The following ZHX2 variants were observed in gnomAD, a reference collection of about 807,000 sequenced individuals.
ZHX2 encodes the protein zinc fingers and homeoboxes 2.
ZHX2 carries 6 observed loss-of-function variants against 21.9 expected under a neutral mutation model. That is an observed-to-expected ratio of 0.27 (90% confidence interval 0.15 to 0.54). The LOEUF is 0.54. ZHX2 is among the 20% of genes least tolerant of loss of function. ZHX2 has a pLI of 0.95. For missense variants in ZHX2, 908 were observed against 1,090.7 expected (o/e 0.83, Z 2.36); for synonymous variants, 434 against 437.1 (o/e 0.99, Z 0.09).
At chr8:122,842,050 G>GAGCAC (rs1382116852) in intron 1 of ZHX2, among the ~76,000 whole-genome samples, 4 of 152,312 alleles carry the variant, frequency 2.6e-5, no homozygotes, top group African/African-American at 9.6e-5. Flanking sequence ...ACAAACAAAT[G>GAGCAC]AGCACGAGCT....
At position 122,828,882 on chromosome 8, in the gene ZHX2, G is replaced by C. The variant is rs1171007427; in HGVS notation, c.-282-34595G>C. Among the ~76,000 whole-genome samples the C allele has an allele frequency of 6.6e-6, 1 of 152,058 alleles. No homozygotes were observed. The highest frequency in any genetic ancestry group is 1.5e-5 in the Non-Finnish European group (1 of 68,038). On this transcript the variant is annotated intron_variant, in intron 1 of 3. Transcript: ENST00000314393. This position sits in a 1 kb window ranked among gnomAD's most constrained non-coding sequence, Gnocchi z 5.2. The stretch of plus-strand genomic sequence containing the variant: ...TATTTTATTTTACACAGAGTACCCA[G>C]GAGATGGCAGATAATAATTCATTTA...
chr8:122,883,100 C>A (rs191491809), intron 2 of ZHX2, among the ~76,000 whole-genome samples: 1 of 152,320 alleles, frequency 6.6e-6, no homozygotes, highest in Non-Finnish European at 1.5e-5. Context: ...CCAAACCCCC[C>A]AAGATCTCGC....
intron 1 of ZHX2, among the ~76,000 whole-genome samples, chr8:122,804,896 A>G (rs531451772): frequency 2.5e-4 from 38 of 152,272 alleles, no homozygotes; most frequent in African/African-American, 7.9e-4. Flanking sequence ...ACACAGGGCC[A>G]TGGATTCCCT....
At chr8:122,890,717 T>C (rs1471529767) in intron 2 of ZHX2, among the ~76,000 whole-genome samples, 1 of 152,194 alleles carries the variant, frequency 6.6e-6, no homozygotes, top group Non-Finnish European at 1.5e-5. Context: ...TTCTTGTAGC[T>C]ATTGTAAATG....
At chr8:122,923,073 G>A (rs959126849) in intron 2 of ZHX2, among the ~76,000 whole-genome samples, 1 of 152,236 alleles carries the variant, frequency 6.6e-6, no homozygotes, top group African/African-American at 2.4e-5. Context: ...ACTTGTCAGT[G>A]TCAAAGTCTA....
At chr8:122,837,244 C>G (rs1349782183) in intron 1 of ZHX2, among the ~76,000 whole-genome samples, 7 of 152,178 alleles carry the variant, frequency 4.6e-5, no homozygotes, top group African/African-American at 1.7e-4. Flanking sequence ...CTTGCTTTCA[C>G]TTTATGGACT....
chr8:122,896,795 G>A (rs1820110617), intron 2 of ZHX2, among the ~76,000 whole-genome samples: 1 of 152,198 alleles, frequency 6.6e-6, no homozygotes, highest in South Asian at 2.1e-4. Context: ...AGGGAGCTTT[G>A]TAAATGTCTG....
At chr8:122,787,675 A>G (rs983726861) in intron 1 of ZHX2, among the ~76,000 whole-genome samples, 7 of 152,152 alleles carry the variant, frequency 4.6e-5, no homozygotes, top group African/African-American at 1.4e-4. Context: ...TTGGGAGGAA[A>G]TCTTCCCTGT....
At chr8:122,935,514 C>G (rs995326095) in intron 2 of ZHX2, among the ~76,000 whole-genome samples, 3 of 150,658 alleles carry the variant, frequency 2.0e-5, no homozygotes, top group Non-Finnish European at 4.4e-5. Flanking sequence ...CAGGCTTTCC[C>G]TGATTATACC....
intron 1 of ZHX2, among the ~76,000 whole-genome samples, chr8:122,799,413 GT>G (rs1817675505): frequency 6.6e-6 from 1 of 151,500 alleles, no homozygotes; most frequent in African/African-American, 2.4e-5. Flanking sequence ...TTTTTTGTTT[GT>G]TTTTTAGTAT....
intron 2 of ZHX2, among the ~76,000 whole-genome samples, chr8:122,928,485 T>C (rs1472307440): frequency 1.3e-5 from 2 of 151,978 alleles, no homozygotes; most frequent in African/African-American, 4.8e-5. Context: ...GGAGATGAGT[T>C]GGGATAGAAT....
At chr8:122,971,547 A>G (rs934847695) in intron 3 of ZHX2, among the ~76,000 whole-genome samples, 5 of 139,352 alleles carry the variant, frequency 3.6e-5, no homozygotes, top group Admixed American at 1.6e-4. Flanking sequence ...CATGAATGGC[A>G]TTATCGATGA....
At chr8:122,848,006 A>G (rs368064677) in intron 1 of ZHX2, among the ~76,000 whole-genome samples, 8 of 152,244 alleles carry the variant, frequency 5.3e-5, no homozygotes, top group African/African-American at 1.9e-4. Flanking sequence ...CAAGGGCCAC[A>G]TCACTGAGGT....
intron 2 of ZHX2, among the ~76,000 whole-genome samples, chr8:122,934,854 A>G (rs1812640240): frequency 6.6e-6 from 1 of 151,972 alleles, no homozygotes; most frequent in Non-Finnish European, 1.5e-5. Context: ...ATGCCTGGCT[A>G]ATTTTGTATT....
chr8:122,807,904 G>C (rs1013105407), intron 1 of ZHX2: 3 of 152,190 alleles, frequency 2.0e-5, no homozygotes, highest in Non-Finnish European at 4.4e-5. Context: ...CTCTTTATTA[G>C]AGAATGGTAG....
rs145859027 is a variant in ZHX2 at position 122,919,618 on chromosome 8, G to A, written c.-219-31674G>A. On this transcript the variant is annotated intron_variant, in intron 2 of 3. Transcript: ENST00000314393. The stretch of plus-strand genomic sequence containing the variant: ...GGCTGTGGTAATTACTAGTCAAGCT[G>A]TATCTGCAAATGTATAAAGTACTTC... Among the ~76,000 whole-genome samples the A allele has an allele frequency of 4.8e-4, 73 of 152,316 alleles. 1 individual carries two copies. Among genetic ancestry groups the A allele is most frequent in the South Asian group, 2.7e-3 (13 of 4,828 alleles).
chr8:122,911,927 G>T (rs1455347532), intron 2 of ZHX2, among the ~76,000 whole-genome samples: 1 of 152,122 alleles, frequency 6.6e-6, no homozygotes, highest in Non-Finnish European at 1.5e-5. Context: ...GGCGGGGAAT[G>T]GCTCCCCTAA....
At chr8:122,789,126 G>C (rs1244994034) in intron 1 of ZHX2, among the ~76,000 whole-genome samples, 1 of 152,232 alleles carries the variant, frequency 6.6e-6, no homozygotes, top group Non-Finnish European at 1.5e-5. Flanking sequence ...CAGCCAATGG[G>C]GGAAGGGGGT....
chr8:122,958,072 G>A (rs529245729), intron 3 of ZHX2, among the ~76,000 whole-genome samples: 13 of 152,302 alleles, frequency 8.5e-5, no homozygotes, highest in African/African-American at 3.1e-4. Context: ...AAAGTGTTAT[G>A]TGATGCACAA....
Sources: gnomAD v4.1 joint callset for allele counts (sites outside exome capture counted in the v4.1 genomes callset) on GRCh38, gnomAD v4.1.1 for gene constraint, Gnocchi (gnomAD v3.1) non-coding constraint, MANE v1.5 for transcripts, NCBI Gene and HGNC (gene_info 2026-07-23, HGNC 2026-07-21) for gene names.